ZNF148: variants seen among roughly 807,000 people sequenced by gnomAD.
The protein encoded by ZNF148 is zinc finger protein 148, also known as Beta-Enolase Repressor Factor-1.
ZNF148 carries 7 observed loss-of-function variants against 67.7 expected under a neutral mutation model. The ratio of observed to expected loss-of-function variants is 0.10; its 90% CI spans 0.06 to 0.19. The LOEUF (loss-of-function observed/expected upper bound fraction) is 0.19, where lower values mean the gene tolerates loss of function less well. ZNF148 is among the 10% of genes least tolerant of loss of function. The pLI is 1.00. For missense variants in ZNF148, 583 were observed against 947.1 expected, an observed-to-expected ratio of 0.62 and a Z score of 5.05; for synonymous variants, 333 against 330.7, an observed-to-expected ratio of 1.01 and a Z score of -0.08.
At chr3:125,284,160 A>G (rs1434251943) in intron 5 of ZNF148, among the ~76,000 whole-genome samples, 3 of 152,170 alleles carry the variant, frequency 2.0e-5, no homozygotes, top group African/African-American at 7.2e-5. Flanking sequence ...TAATATTGTT[A>G]TATTTTACTG....
chr3:125,303,889 T>C (rs895085695), intron 4 of ZNF148, among the ~76,000 whole-genome samples: 2 of 152,110 alleles, frequency 1.3e-5, no homozygotes, highest in Non-Finnish European at 1.5e-5. Flanking sequence ...GGATACACTG[T>C]CGCAATGTGA....
At chr3:125,360,094 T>C (rs919976380) in intron 1 of ZNF148, among the ~76,000 whole-genome samples, 3 of 152,156 alleles carry the variant, frequency 2.0e-5, no homozygotes, top group Non-Finnish European at 4.4e-5. Flanking sequence ...TAAACCCCTT[T>C]CCATATGTTC....
chr3:125,266,978 C>T (rs1033101942), intron 7 of ZNF148, among the ~76,000 whole-genome samples: 4 of 151,760 alleles, frequency 2.6e-5, no homozygotes, highest in African/African-American at 7.3e-5. Context: ...TAAACACACA[C>T]CTCCCAAGAT....
intron 4 of ZNF148, chr3:125,310,910 GT>G: frequency 4.6e-6 from 1 of 216,136 alleles, no homozygotes; most frequent in South Asian, 8.6e-5. Flanking sequence ...GACACCCACC[GT>G]TACCCCCAGC....
At chr3:125,346,477 G>A (rs1941947284) in intron 1 of ZNF148, among the ~76,000 whole-genome samples, 2 of 152,146 alleles carry the variant, frequency 1.3e-5, no homozygotes, top group Non-Finnish European at 2.9e-5. Context: ...TAAATGATAT[G>A]ATTTGGTTCT....
At chr3:125,312,850 T>C (rs1027090550) in intron 4 of ZNF148, among the ~76,000 whole-genome samples, 2 of 152,068 alleles carry the variant, frequency 1.3e-5, no homozygotes, top group African/African-American at 4.8e-5. Flanking sequence ...GCTGATATAC[T>C]TTAAAAAGAT....
chr3:125,292,260 G>A (rs901943188), intron 4 of ZNF148, among the ~76,000 whole-genome samples: 3 of 152,098 alleles, frequency 2.0e-5, no homozygotes, highest in African/African-American at 4.8e-5. Context: ...AATTTTGAAA[G>A]GAGCTACATT....
At chr3:125,372,871 CA>C (rs1942935474) in intron 1 of ZNF148, among the ~76,000 whole-genome samples, 3 of 152,070 alleles carry the variant, frequency 2.0e-5, no homozygotes, top group Admixed American at 2.0e-4. Flanking sequence ...GAGGTTGAGG[CA>C]GGAGAATTGC....
chr3:125,319,526 C>T (rs565000316), intron 3 of ZNF148, among the ~76,000 whole-genome samples: 11 of 152,158 alleles, frequency 7.2e-5, no homozygotes, highest in African/African-American at 2.4e-4. Flanking sequence ...GAAAAAAATG[C>T]TTGCTGAGGT....
chr3:125,283,042 G>A (rs1936920469), intron 5 of ZNF148, among the ~76,000 whole-genome samples: 1 of 152,110 alleles, frequency 6.6e-6, no homozygotes, highest in Non-Finnish European at 1.5e-5. Flanking sequence ...AGATAAGAGA[G>A]TTTACATTTC....
At chr3:125,371,742 A>C (rs1293535005) in intron 1 of ZNF148, among the ~76,000 whole-genome samples, 1 of 151,538 alleles carries the variant, frequency 6.6e-6, no homozygotes, top group African/African-American at 2.4e-5. Context: ...GATTTCCCAC[A>C]CTAAAACTCT....
chr3:125,276,546 G>A (rs1938083511), intron 7 of ZNF148, among the ~76,000 whole-genome samples: 1 of 152,020 alleles, frequency 6.6e-6, no homozygotes, highest in Admixed American at 6.6e-5. Context: ...CAATTCTCCT[G>A]CCTCAGCCTC....
intron 1 of ZNF148, among the ~76,000 whole-genome samples, chr3:125,341,037 C>T (rs1215516904): frequency 7.0e-6 from 1 of 142,098 alleles, no homozygotes; most frequent in African/African-American, 2.6e-5. Context: ...ACAAAAAACA[C>T]CTAAGAAAAT....
At position 125,232,346 on chromosome 3, in the gene ZNF148, CA is replaced by C; in HGVS notation, c.2379del (p.Phe793LeufsTer9). 1 of 1,553,778 alleles carries C rather than the reference CA, an allele frequency of 6.4e-7. No individual in the cohort carries two copies. Among genetic ancestry groups the C allele is most frequent in the Non-Finnish European group, 8.7e-7 (1 of 1,153,020 alleles). ...SSPDATTGQT[F>X]G ...TTTACACTTTTTTTTTTTTTTTAGC[CA>C]AAAGTCTGGCCAGTTGTGGCATCAG... On this transcript the variant is annotated frameshift_variant, in exon 9 of 9. Coordinates refer to ENST00000360647, the MANE Select transcript of ZNF148 (RefSeq NM_021964.3). LOFTEE classifies it high-confidence loss of function. The surrounding 1 kb of genome is among the most constrained non-coding windows in gnomAD (Gnocchi z 4.2).
At chr3:125,322,366 T>C (rs1199361431) in intron 3 of ZNF148, among the ~76,000 whole-genome samples, 1 of 151,852 alleles carries the variant, frequency 6.6e-6, no homozygotes, top group East Asian at 1.9e-4. Flanking sequence ...ATGTGACAGA[T>C]AGCTGGCTAT....
intron 7 of ZNF148, among the ~76,000 whole-genome samples, chr3:125,242,254 G>T (rs1936398129): frequency 6.6e-6 from 1 of 152,156 alleles, no homozygotes. Flanking sequence ...ATTTAGAAAA[G>T]ACTTCTCCAC....
intron 7 of ZNF148, among the ~76,000 whole-genome samples, chr3:125,243,466 A>T (rs1332788204): frequency 2.0e-5 from 3 of 152,206 alleles, no homozygotes; most frequent in Admixed American, 6.5e-5. Flanking sequence ...AATTAAAAAG[A>T]AGTAGTGATA....
intron 1 of ZNF148, among the ~76,000 whole-genome samples, chr3:125,361,908 C>T (rs1201561561): frequency 6.6e-6 from 1 of 152,068 alleles, no homozygotes; most frequent in Non-Finnish European, 1.5e-5. Context: ...TCCACAACTA[C>T]TTTATGTTCT....
At chr3:125,255,633 G>A (rs2107558629) in intron 7 of ZNF148, among the ~76,000 whole-genome samples, 1 of 151,688 alleles carries the variant, frequency 6.6e-6, no homozygotes, top group East Asian at 1.9e-4. Flanking sequence ...TGAGACTGCT[G>A]GGAACAAATT....
Sources: gnomAD v4.1 joint callset for allele counts (sites outside exome capture counted in the v4.1 genomes callset) on GRCh38, gnomAD v4.1.1 for gene constraint, Gnocchi (gnomAD v3.1) non-coding constraint, MANE v1.5 for transcripts, NCBI Gene and HGNC (gene_info 2026-07-23, HGNC 2026-07-21) for gene names.